GPR158: variants seen among roughly 807,000 people sequenced by gnomAD.
GPR158 encodes the protein metabotropic glycine receptor.
In GPR158, 30 loss-of-function variants were observed where a neutral mutation model predicts 78.2. The observed-to-expected ratio is 0.38, with a 90% CI of 0.29 to 0.52. The LOEUF (loss-of-function observed/expected upper bound fraction) is 0.52, where lower values mean the gene tolerates loss of function less well. Ranked by LOEUF, GPR158 falls within the 20% of genes least tolerant of loss-of-function variation. The pLI is 0.83. For missense variants in GPR158, 1,463 were observed against 1,523.5 expected (o/e 0.96, Z 0.66); for synonymous variants, 581 against 591.1 (o/e 0.98, Z 0.25).
intron 2 of GPR158, among the ~76,000 whole-genome samples, chr10:25,392,895 G>C (rs777624784): frequency 6.6e-6 from 1 of 152,124 alleles, no homozygotes; most frequent in East Asian, 1.9e-4. Context: ...ATTTGGTTCC[G>C]TACAGGCCCT....
chr10:25,472,629 T>G (rs1273367886), intron 5 of GPR158, among the ~76,000 whole-genome samples: 3 of 152,184 alleles, frequency 2.0e-5, no homozygotes, highest in African/African-American at 7.2e-5. Context: ...TGTGTCCTCT[T>G]TTATTTCCTT....
intron 4 of GPR158, among the ~76,000 whole-genome samples, chr10:25,438,704 C>T (rs1365033415): frequency 2.0e-5 from 3 of 152,158 alleles, no homozygotes; most frequent in Non-Finnish European, 4.4e-5. Flanking sequence ...TATTTTATGA[C>T]TTTAGTGGGA....
At chr10:25,408,081 T>C (rs768011610) in intron 3 of GPR158, among the ~76,000 whole-genome samples, 1 of 152,216 alleles carries the variant, frequency 6.6e-6, no homozygotes, top group Non-Finnish European at 1.5e-5. Flanking sequence ...GTTTCAAGTT[T>C]CATTTGTATT....
intron 2 of GPR158, among the ~76,000 whole-genome samples, chr10:25,303,604 A>T (rs1407951667): frequency 6.6e-6 from 1 of 152,248 alleles, no homozygotes; most frequent in Non-Finnish European, 1.5e-5. Context: ...GTGTTATATG[A>T]ACATTGTCTT....
chr10:25,195,568 A>G (rs1255374686), intron 1 of GPR158, among the ~76,000 whole-genome samples: 2 of 152,206 alleles, frequency 1.3e-5, no homozygotes, highest in Non-Finnish European at 2.9e-5. Flanking sequence ...TATTGAAGAC[A>G]TTCCTGGAGT....
chr10:25,298,746 CTG>C (rs1176878459), intron 2 of GPR158, among the ~76,000 whole-genome samples: 1 of 152,140 alleles, frequency 6.6e-6, no homozygotes, highest in Admixed American at 6.5e-5. Flanking sequence ...TTATTTTTTA[CTG>C]TCTCAGTTTC....
intron 2 of GPR158, among the ~76,000 whole-genome samples, chr10:25,366,880 G>C (rs1855732018): frequency 6.6e-6 from 1 of 151,598 alleles, no homozygotes. Context: ...TTCTGTTTAA[G>C]ACTTTTGCTC....
At chr10:25,501,954 CTGTT>C (rs933626090) in intron 5 of GPR158, among the ~76,000 whole-genome samples, 2 of 152,136 alleles carry the variant, frequency 1.3e-5, no homozygotes, top group African/African-American at 4.8e-5. Flanking sequence ...CACTTGCAAA[CTGTT>C]TGTCTCTCCC....
chr10:25,399,482 G>T (rs1010009235), intron 3 of GPR158, among the ~76,000 whole-genome samples: 2 of 152,114 alleles, frequency 1.3e-5, no homozygotes, highest in Admixed American at 1.3e-4. Context: ...ATGCCTGATG[G>T]TCTGAGGTGG....
intron 2 of GPR158, among the ~76,000 whole-genome samples, chr10:25,338,506 T>A (rs1262034731): frequency 1.6e-4 from 23 of 139,812 alleles, no homozygotes; most frequent in Admixed American, 4.3e-4. Flanking sequence ...CGTATATATA[T>A]TACGTATAAT....
At chr10:25,361,357 T>C (rs1855636622) in intron 2 of GPR158, among the ~76,000 whole-genome samples, 2 of 151,960 alleles carry the variant, frequency 1.3e-5, no homozygotes, top group African/African-American at 4.8e-5. Flanking sequence ...TTGGGTTACT[T>C]AACACCCCTT....
intron 2 of GPR158, among the ~76,000 whole-genome samples, chr10:25,394,412 A>C (rs1443665124): frequency 1.3e-5 from 2 of 152,224 alleles, no homozygotes; most frequent in Admixed American, 6.5e-5. Flanking sequence ...TCCTAAATAC[A>C]TGTTATAGTT....
chr10:25,519,572 G>A lies in GPR158; in HGVS notation c.1405-31404G>A, dbSNP rs1351639452. Among the ~76,000 whole-genome samples the A allele has an allele frequency of 2.8e-5, 4 of 142,398 alleles. No homozygotes were observed. The East Asian group carries it at 6.0e-4, about 21-fold the overall frequency. 93.4% of individuals were successfully genotyped at this position (142,398 alleles called of 152,430 possible). A position where few individuals can be genotyped will look rare whatever the true frequency, so the allele number is the denominator to read the frequency against. On this transcript the variant is annotated intron_variant, in intron 5 of 10. Transcript: ENST00000376351. ...GAGCTCTTTTAGGGCAGGCCTGGTG[G>A]TGACAAAATCTCTCAGCATTTGCTT...
intron 2 of GPR158, among the ~76,000 whole-genome samples, chr10:25,358,823 A>T (rs1855588630): frequency 6.6e-6 from 1 of 152,106 alleles, no homozygotes; most frequent in African/African-American, 2.4e-5. Flanking sequence ...TTAGTCAGAG[A>T]ATATACTTAC....
At chr10:25,225,897 G>A (rs1157593443) in intron 2 of GPR158, among the ~76,000 whole-genome samples, 1 of 152,152 alleles carries the variant, frequency 6.6e-6, no homozygotes, top group African/African-American at 2.4e-5. Flanking sequence ...TGGTATATGA[G>A]AAGAGGAATA....
At chr10:25,433,588 T>G (rs202034101) in intron 4 of GPR158, among the ~76,000 whole-genome samples, 1 of 147,650 alleles carries the variant, frequency 6.8e-6, no homozygotes, top group South Asian at 2.2e-4. Flanking sequence ...CGCGTGCGCG[T>G]GCGCATATAT....
chr10:25,310,340 C>T (rs985789723), intron 2 of GPR158, among the ~76,000 whole-genome samples: 1 of 152,098 alleles, frequency 6.6e-6, no homozygotes, highest in African/African-American at 2.4e-5. Context: ...GTTAGTCCTC[C>T]AAGTTTGTTC....
At chr10:25,348,724 T>A (rs1855411507) in intron 2 of GPR158, among the ~76,000 whole-genome samples, 1 of 151,960 alleles carries the variant, frequency 6.6e-6, no homozygotes, top group South Asian at 2.1e-4. Context: ...CCAAGATAAA[T>A]TTTTCCCTAT....
chr10:25,481,563 T>A (rs540827657), intron 5 of GPR158, among the ~76,000 whole-genome samples: 168 of 152,306 alleles, frequency 1.1e-3, no homozygotes, highest in Non-Finnish European at 1.8e-3. Context: ...ATTATAGGAA[T>A]TTACTGCATG....
Sources: gnomAD v4.1 joint callset for allele counts (sites outside exome capture counted in the v4.1 genomes callset) on GRCh38, gnomAD v4.1.1 for gene constraint, MANE v1.5 for transcripts, NCBI Gene and HGNC (gene_info 2026-07-23, HGNC 2026-07-21) for gene names.